The following PHLDB1 variants were observed in gnomAD, a reference collection of about 807,000 sequenced individuals.
PHLDB1 encodes the protein pleckstrin homology like domain family B member 1, also known as pleckstrin homology-like domain family B member 1.
A neutral mutation model predicts 139.3 loss-of-function variants in PHLDB1; 65 were observed. That is an observed-to-expected ratio of 0.47 (90% CI 0.38 to 0.57). PHLDB1 has a LOEUF of 0.57. PHLDB1 is among the 20% of genes least tolerant of loss of function. The pLI, the probability that PHLDB1 is intolerant of heterozygous loss-of-function variation, is 0.00. For missense variants in PHLDB1, 1,624 were observed against 1,839.7 expected, an observed-to-expected ratio of 0.88 and a Z score of 2.14; for synonymous variants, 679 against 734.5, an observed-to-expected ratio of 0.92 and a Z score of 1.22.
In PHLDB1 at chr11:118,627,298, C is replaced by T; in HGVS notation, c.482-7C>T. 1.2e-6 allele frequency: 2 copies of T among 1,612,536 alleles called. No homozygotes were observed. Among genetic ancestry groups the T allele is most frequent in the Non-Finnish European group, 8.5e-7 (1 of 1,179,604 alleles). On this transcript the variant is annotated splice_polypyrimidine_tract_variant and splice_region_variant and intron_variant, in intron 5 of 22. Coordinates refer to ENST00000600882, the MANE Select transcript of PHLDB1 (RefSeq NM_001144758.3). ...CTAAAGTCAAAGACCTTTGCATTTC[C>T]CTCCAGCAGAATCAGAAAGTCTGGT...
At chr11:118,642,222 TC>T in intron 12 of PHLDB1, 31 bp from the exon 13 acceptor site, 1 of 1,602,954 alleles carries the variant, frequency 6.2e-7, no homozygotes, top group Non-Finnish European at 8.5e-7. Flanking sequence ...TCCCCTCCTG[TC>T]CCCTTTTCCC....
chr11:118,650,204 T>A lies in PHLDB1; in HGVS notation c.3771+11T>A. 6.3e-7 allele frequency: 1 copy of A among 1,589,948 alleles called. No individual in the cohort carries two copies. The highest frequency in any genetic ancestry group is 1.1e-5 in the South Asian group (1 of 90,582). On this transcript the variant is annotated intron_variant, in intron 19 of 22. Coordinates refer to ENST00000600882, the MANE Select transcript of PHLDB1 (RefSeq NM_001144758.3). This position sits in a 1 kb window ranked among gnomAD's most constrained non-coding sequence, Gnocchi z 4.7. ...GTGCTCAGCAGCAAGGTACAAGGCG[T>A]GTGTGGCCCTGGGGTGCTGGGGAGA...
At chr11:118,641,320 G>A (rs1239216276) in intron 12 of PHLDB1, 2 of 162,174 alleles carry the variant, frequency 1.2e-5, no homozygotes, top group African/African-American at 4.8e-5. Flanking sequence ...TAGGGGGACA[G>A]AAGGGTCTGT....
At chr11:118,656,230 A>T (rs782567286) in intron 22 of PHLDB1, among the ~76,000 whole-genome samples, 2 of 152,144 alleles carry the variant, frequency 1.3e-5, no homozygotes, top group Non-Finnish European at 2.9e-5. Flanking sequence ...AGTGCAAGTC[A>T]GCCTTCCTGC....
chr11:118,635,809 C>G (rs549967894), intron 10 of PHLDB1, among the ~76,000 whole-genome samples: 1 of 152,318 alleles, frequency 6.6e-6, no homozygotes, highest in South Asian at 2.1e-4. Flanking sequence ...GGATTCTGCT[C>G]CCATTCAGAG....
intron 6 of PHLDB1, 57 bp downstream of exon 6, chr11:118,628,707 C>G: frequency 6.6e-7 from 1 of 1,516,136 alleles, no homozygotes. Flanking sequence ...TGCCAGGGCT[C>G]GAGCAGGCCA....
rs372481727 is a variant in PHLDB1, at chr11:118,616,241, G to A, written c.355+30G>A. 4.6e-5 allele frequency: 74 copies of A among 1,605,062 alleles called. No homozygotes were observed. In the African/African-American group the frequency reaches 7.6e-4, roughly 17 times the overall value. On this transcript the variant is annotated intron_variant, in intron 4 of 22. Transcript: ENST00000600882. ...GGCTGGACACCTCCAGATGGAGGGG[G>A]CCTCTGTTTAAAGGCTTGTGTGTAT...
At chr11:118,613,974 G>A in intron 2 of PHLDB1, 78 bp downstream of exon 2, 1 of 913,932 alleles carries the variant, frequency 1.1e-6, no homozygotes, top group Non-Finnish European at 1.8e-6. Flanking sequence ...TGTGGTCCCA[G>A]CCCAAGGATG....
At chr11:118,649,646 C>A (rs1002151476) in intron 18 of PHLDB1, among the ~76,000 whole-genome samples, 1 of 152,080 alleles carries the variant, frequency 6.6e-6, no homozygotes, top group Non-Finnish European at 1.5e-5. Context: ...TCAAAGCCGG[C>A]GTTTTACATG....
At position 118,611,832 on chromosome 11, in the gene PHLDB1, A is replaced by AT. The variant is rs60176755; in HGVS notation, c.-21-1984_-21-1983insT. Among the ~76,000 whole-genome samples the AT allele has an allele frequency of 7.3e-4, 108 of 147,084 alleles. No homozygotes were observed. The highest frequency in any genetic ancestry group is 2.6e-3 in the African/African-American group (101 of 39,364). On this transcript the variant is annotated intron_variant, in intron 1 of 22. Transcript: ENST00000600882. The surrounding 1 kb of genome is among the most constrained non-coding windows in gnomAD (Gnocchi z 4.7). Reference sequence around the variant, plus strand: ...AAACTCCGTCTCAAAAAAAAAAAAAAAATAATAATAATAATAATAAATGGC... The same window carrying AT: ...AAACTCCGTCTCAAAAAAAAAAAAAATAATAATAATAATAATAATAAATGGC...
chr11:118,616,657 G>A (rs1941708494), intron 4 of PHLDB1, among the ~76,000 whole-genome samples: 1 of 152,204 alleles, frequency 6.6e-6, no homozygotes, highest in Non-Finnish European at 1.5e-5. Context: ...CTCAGGACAT[G>A]CCTGCTCCTG....
intron 12 of PHLDB1, chr11:118,639,546 G>C (rs1946186139): frequency 2.0e-6 from 1 of 501,690 alleles, no homozygotes; most frequent in Non-Finnish European, 3.6e-6. Context: ...CAGCTCAGAG[G>C]CTTGGTAGGG....
chr11:118,640,245 T>C (rs1946299380), intron 12 of PHLDB1: 1 of 152,546 alleles, frequency 6.6e-6, no homozygotes, highest in African/African-American at 2.4e-5. Context: ...TGCCATTCAT[T>C]AGTTCTCACA....
chr11:118,621,320 T>TCTCCTTTGTCCCTCCCTCCC (rs1555094645), intron 4 of PHLDB1: 2 of 152,072 alleles, frequency 1.3e-5, no homozygotes, highest in Non-Finnish European at 1.5e-5. Flanking sequence ...CCCCTCCTCC[T>TCTCCTTTGTCCCTCCCTCCC]CTCCTTTGTC....
At chr11:118,639,801 C>T (rs1946228556) in intron 12 of PHLDB1, 4 of 814,448 alleles carry the variant, frequency 4.9e-6, no homozygotes, top group Non-Finnish European at 4.4e-6. Context: ...TTTAGGCCTG[C>T]GGTGGGGAAC....
rs905401750 is a variant in PHLDB1 at position 118,611,410 on chromosome 11, A to G, written c.-21-2406A>G. On this transcript the variant is annotated intron_variant, in intron 1 of 22. Transcript: ENST00000600882. The surrounding 1 kb of genome is among the most constrained non-coding windows in gnomAD (Gnocchi z 4.7). ...TTCTCCATCGGCCTTACTCCTTTAC[A>G]ATCTTTATCTCCACTTGAAGTTCTT... Among the ~76,000 whole-genome samples the G allele has an allele frequency of 3.9e-5, 6 of 152,074 alleles. No individual in the cohort carries two copies. The highest frequency in any genetic ancestry group is 1.3e-4 in the Admixed American group (2 of 15,254).
Position 118,627,853 on chromosome 11 carries a change from C to G in PHLDB1, c.1030C>G (p.Arg344Gly). The change falls in exon 6 of 23, where the codon CGG (arginine) becomes GGG (glycine). Residue 344 changes from arginine to glycine, a missense_variant. Arg to Gly is a moderately radical substitution (Grantham distance 125). Coordinates refer to ENST00000600882, the MANE Select transcript of PHLDB1 (RefSeq NM_001144758.3). ...SPAATVLAEA[R>G]RATESPRLGG... ...TGCAGCTACTGTCTTGGCGGAGGCC[C>G]GGAGAGCCACTGAGAGCCCCCGGCT... The G allele has an allele frequency of 6.2e-7, 1 of 1,607,954 alleles. No homozygotes were observed. Among genetic ancestry groups the G allele is most frequent in the Non-Finnish European group, 8.5e-7 (1 of 1,179,836 alleles).
At position 118,645,479 on chromosome 11, in the gene PHLDB1, G is replaced by C; in HGVS notation, c.3245G>C (p.Gly1082Ala). 1 of 1,611,590 alleles carries C rather than the reference G, an allele frequency of 6.2e-7. No homozygotes were observed. Among genetic ancestry groups the C allele is most frequent in the South Asian group, 1.1e-5 (1 of 90,654 alleles). Reference sequence around the variant, plus strand: ...GCACCCTTCCCAGCGGGCCCCTCGGGCTTCCCCCCTCTCATGCACCACTCT... The same window carrying C: ...GCACCCTTCCCAGCGGGCCCCTCGGCCTTCCCCCCTCTCATGCACCACTCT... ...GAAPFPAGPS[G>A]FPPLMHHSIL... The change falls in exon 16 of 23, where the codon GGC (glycine) becomes GCC (alanine). Residue 1082 changes from glycine to alanine, a missense_variant. Gly to Ala is a moderately conservative substitution (Grantham distance 60). Transcript: ENST00000600882. This position sits in a 1 kb window ranked among gnomAD's most constrained non-coding sequence, Gnocchi z 5.1.
Position 118,631,931 on chromosome 11 carries a change from AC to A in PHLDB1, c.2121del (p.Lys708SerfsTer7). 6.2e-7 allele frequency: 1 copy of A among 1,613,312 alleles called. No individual in the cohort carries two copies. The highest frequency in any genetic ancestry group is 8.5e-7 in the Non-Finnish European group (1 of 1,179,678). ...TQQEHEDAPS[T>X]KLQGEVLALE... is the part of the protein sequence containing the mutation. Reference sequence around the variant, plus strand: ...CCTCCAGCACGAAGATGCACCTAGCACCAAGCTCCAGGGAGAGGTGCTAGCC... The same window carrying A: ...CCTCCAGCACGAAGATGCACCTAGCACAAGCTCCAGGGAGAGGTGCTAGCC... On this transcript the variant is annotated frameshift_variant, in exon 8 of 23. Coordinates refer to ENST00000600882, the MANE Select transcript of PHLDB1 (RefSeq NM_001144758.3). LOFTEE classifies it high-confidence loss of function.
Sources: allele counts gnomAD v4.1 joint callset (sites outside exome capture counted in the v4.1 genomes callset), GRCh38; gene constraint gnomAD v4.1.1; non-coding constraint Gnocchi (gnomAD v3.1); transcripts MANE v1.5; gene names NCBI Gene and HGNC (gene_info 2026-07-23, HGNC 2026-07-21).